CDH13: variants seen among roughly 807,000 people sequenced by gnomAD.
CDH13 encodes the protein cadherin 13, also known as cadherin-13.
A neutral mutation model predicts 63.8 loss-of-function variants in CDH13; 24 were observed. The observed-to-expected ratio is 0.38, with a 90% CI of 0.27 to 0.53. CDH13 has a LOEUF of 0.53. CDH13 is among the 20% of genes least tolerant of loss of function. CDH13 has a pLI of 0.85. For missense variants in CDH13, 1,049 were observed against 903.1 expected (o/e 1.16, Z -2.07); for synonymous variants, 503 against 355.3 (o/e 1.42, Z -4.67).
intron 1 of CDH13, among the ~76,000 whole-genome samples, chr16:82,794,729 A>C (rs1310613660): frequency 6.6e-6 from 1 of 152,212 alleles, no homozygotes; most frequent in Non-Finnish European, 1.5e-5. Flanking sequence ...TTAATATTTC[A>C]AAAACTATGG....
intron 6 of CDH13, among the ~76,000 whole-genome samples, chr16:83,398,625 C>A (rs758369831): frequency 2.2e-5 from 1 of 46,432 alleles, no homozygotes; most frequent in Non-Finnish European, 4.1e-5. Context: ...CAATTCATGG[C>A]AGTAGACCTG....
intron 2 of CDH13, among the ~76,000 whole-genome samples, chr16:82,900,215 C>A (rs767645755): frequency 2.6e-5 from 4 of 152,182 alleles, no homozygotes; most frequent in Non-Finnish European, 4.4e-5. Flanking sequence ...AGAACCAGGA[C>A]AACAAGCCCA....
intron 6 of CDH13, among the ~76,000 whole-genome samples, chr16:83,460,759 C>T (rs571649503): frequency 9.2e-5 from 14 of 151,404 alleles, no homozygotes; most frequent in East Asian, 3.9e-4. Context: ...TTTGGGAGGC[C>T]GAGGCGGGAG....
intron 7 of CDH13, among the ~76,000 whole-genome samples, chr16:83,502,536 G>A (rs533723909): frequency 6.6e-6 from 1 of 152,294 alleles, no homozygotes; most frequent in South Asian, 2.1e-4. Context: ...GGACATGGCA[G>A]TTTGTTACAG....
intron 3 of CDH13, among the ~76,000 whole-genome samples, chr16:83,045,347 G>A (rs991178219): frequency 6.6e-6 from 1 of 152,102 alleles, no homozygotes. Context: ...CTCTCTGTAA[G>A]AGATGGGTTG....
At chr16:83,481,216 G>T (rs1407710430) in intron 6 of CDH13, among the ~76,000 whole-genome samples, 1 of 152,164 alleles carries the variant, frequency 6.6e-6, no homozygotes, top group Non-Finnish European at 1.5e-5. Context: ...CAGAAATCCA[G>T]TGCTGAATAT....
At chr16:83,701,647 G>A (rs908144488) in intron 10 of CDH13, among the ~76,000 whole-genome samples, 1 of 152,168 alleles carries the variant, frequency 6.6e-6, no homozygotes, top group Non-Finnish European at 1.5e-5. Flanking sequence ...TTTCTACCCT[G>A]ACCGCCACCC....
At chr16:83,038,234 C>G (rs1283473046) in intron 3 of CDH13, among the ~76,000 whole-genome samples, 1 of 152,164 alleles carries the variant, frequency 6.6e-6, no homozygotes. Context: ...TAAAAGGAGC[C>G]TGGCCTCTCT....
intron 3 of CDH13, among the ~76,000 whole-genome samples, chr16:83,087,999 G>A (rs534818325): frequency 3.9e-5 from 6 of 152,136 alleles, no homozygotes; most frequent in African/African-American, 7.2e-5. Context: ...AGCCTTCAGC[G>A]GCTACATTTG....
intron 1 of CDH13, among the ~76,000 whole-genome samples, chr16:82,754,272 C>G (rs1302920346): frequency 1.3e-5 from 2 of 152,102 alleles, no homozygotes; most frequent in Non-Finnish European, 2.9e-5. Context: ...CTTGCTTCTC[C>G]TTGATGATCA....
chr16:82,999,929 A>G (rs906640591), intron 2 of CDH13, among the ~76,000 whole-genome samples: 7 of 152,156 alleles, frequency 4.6e-5, no homozygotes, highest in African/African-American at 1.7e-4. Flanking sequence ...GTCTAATGAC[A>G]TTTTTGGTGG....
intron 3 of CDH13, among the ~76,000 whole-genome samples, chr16:83,108,897 C>T (rs1045424727): frequency 7.2e-5 from 11 of 152,146 alleles, no homozygotes; most frequent in African/African-American, 2.7e-4. Flanking sequence ...CAGGTTCTGC[C>T]CTGCCTCCTG....
intron 6 of CDH13, among the ~76,000 whole-genome samples, chr16:83,472,131 A>G (rs984230444): frequency 6.6e-6 from 1 of 152,088 alleles, no homozygotes; most frequent in African/African-American, 2.4e-5. Context: ...CCATGCACCA[A>G]CCCCATCAGG....
intron 2 of CDH13, among the ~76,000 whole-genome samples, chr16:82,876,394 C>A (rs11864015): frequency 1.4e-4 from 21 of 152,104 alleles, no homozygotes; most frequent in African/African-American, 4.3e-4. Context: ...TGCCTGTATA[C>A]GACATTGAAA....
intron 7 of CDH13, among the ~76,000 whole-genome samples, chr16:83,555,530 G>T (rs2075583914): frequency 6.6e-6 from 1 of 152,218 alleles, no homozygotes; most frequent in African/African-American, 2.4e-5. Context: ...AAAGATTTAT[G>T]TGAGCACTTA....
intron 3 of CDH13, among the ~76,000 whole-genome samples, chr16:83,107,580 T>C (rs1367135760): frequency 6.6e-6 from 1 of 152,084 alleles, no homozygotes; most frequent in African/African-American, 2.4e-5. Context: ...ATAGGGAAAC[T>C]CCTATGTTTA....
At chr16:83,116,299 C>T (rs995940048) in intron 3 of CDH13, among the ~76,000 whole-genome samples, 11 of 151,958 alleles carry the variant, frequency 7.2e-5, no homozygotes, top group East Asian at 1.9e-4. Context: ...CCATACCTCA[C>T]GGGGAGGGAG....
intron 3 of CDH13, among the ~76,000 whole-genome samples, chr16:83,056,877 C>A (rs1597239258): frequency 1.3e-5 from 2 of 152,280 alleles, no homozygotes; most frequent in East Asian, 3.9e-4. Flanking sequence ...TAGGATGTGC[C>A]TTTGCTCATC....
intron 10 of CDH13, among the ~76,000 whole-genome samples, chr16:83,747,510 T>C (rs1912702190): frequency 6.6e-6 from 1 of 152,182 alleles, no homozygotes; most frequent in African/African-American, 2.4e-5. Context: ...CACTCAGTCT[T>C]GAGTATGTCT....
Sources: gnomAD v4.1 joint callset for allele counts (sites outside exome capture counted in the v4.1 genomes callset) on GRCh38, gnomAD v4.1.1 for gene constraint, MANE v1.5 for transcripts, NCBI Gene and HGNC (gene_info 2026-07-23, HGNC 2026-07-21) for gene names.